The following SLC9A7 variants were observed in gnomAD, a reference collection of about 807,000 sequenced individuals.
The protein encoded by SLC9A7 is solute carrier family 9 member A7.
In SLC9A7, 19 loss-of-function variants were observed where a neutral mutation model predicts 52.6. The observed-to-expected ratio is 0.36, with a 90% CI of 0.25 to 0.53. The LOEUF (loss-of-function observed/expected upper bound fraction) is 0.53, where lower values mean the gene tolerates loss of function less well. SLC9A7 is among the 20% of genes least tolerant of loss of function. The pLI, the probability that SLC9A7 is intolerant of heterozygous loss-of-function variation, is 0.91. For synonymous variants in SLC9A7, 226 were observed against 252.1 expected (o/e 0.90, Z 0.98); for missense variants, 455 against 597.9 (o/e 0.76, Z 2.49).
At chrX:46,722,766 T>G (rs1944879656) in intron 1 of SLC9A7, among the ~76,000 whole-genome samples, 1 of 112,042 alleles carries the variant, frequency 8.9e-6, no homozygotes, top group Non-Finnish European at 1.9e-5. Flanking sequence ...ACACAAGTTC[T>G]ATTGTGGGCT....
At chrX:46,655,842 G>A (rs1157265352) in intron 7 of SLC9A7, among the ~76,000 whole-genome samples, 26 of 112,677 alleles carry the variant, frequency 2.3e-4, no homozygotes, top group African/African-American at 6.1e-4. Context: ...CAAAGCAGCC[G>A]GGAAGCTCGA....
intron 14 of SLC9A7, among the ~76,000 whole-genome samples, chrX:46,630,409 G>A (rs374721648): frequency 2.7e-5 from 3 of 112,344 alleles, no homozygotes; most frequent in Non-Finnish European, 5.6e-5. Flanking sequence ...AAAGCTGCCT[G>A]TTGCATGCTG....
Position 46,606,733 on chromosome X carries a change from A to C in SLC9A7, c.*219T>G. On this transcript the variant is annotated 3_prime_UTR_variant, in exon 17 of 17. Coordinates refer to ENST00000616978, the MANE Select transcript of SLC9A7 (RefSeq NM_001257291.2). The stretch of plus-strand genomic sequence containing the variant: ...GAAACAGCGCACTACTATGTGAAAA[A>C]AGTGGGAATAGGTCTACGTTTGTCT... 3 of 1,075,341 alleles carry C rather than the reference A, an allele frequency of 2.8e-6. No homozygotes were observed. In the South Asian group the frequency reaches 7.7e-5, roughly 28 times the overall value. The allele number at this position is 1,075,341 out of a possible 1,213,427, so 88.6% of individuals were successfully genotyped here.
chrX:46,689,104 C>T (rs1225706960), intron 1 of SLC9A7, among the ~76,000 whole-genome samples: 1 of 111,485 alleles, frequency 9.0e-6, no homozygotes, highest in Non-Finnish European at 1.9e-5. Context: ...CCAAATAGTT[C>T]TACCACTCCC....
At chrX:46,640,129 A>G (rs1943384098) in intron 12 of SLC9A7, among the ~76,000 whole-genome samples, 1 of 112,139 alleles carries the variant, frequency 8.9e-6, no homozygotes, top group African/African-American at 3.2e-5. Flanking sequence ...TAGAATAGCC[A>G]TAACAATAAA....
chrX:46,710,959 C>T (rs1326266395), intron 1 of SLC9A7, among the ~76,000 whole-genome samples: 1 of 112,811 alleles, frequency 8.9e-6, no homozygotes, highest in Non-Finnish European at 1.9e-5. Context: ...ATAAATTAAT[C>T]GATTGGCACT....
chrX:46,709,491 C>G (rs767259540), intron 1 of SLC9A7, among the ~76,000 whole-genome samples: 3 of 111,565 alleles, frequency 2.7e-5, no homozygotes, highest in Non-Finnish European at 3.8e-5. Context: ...TGCTCATCTT[C>G]TTTTCATTAC....
intron 1 of SLC9A7, chrX:46,725,038 T>A: frequency 2.3e-6 from 1 of 436,604 alleles, no homozygotes; most frequent in Non-Finnish European, 4.1e-6. Context: ...AATTAAACTT[T>A]CCTTCAAAGA....
intron 5 of SLC9A7, among the ~76,000 whole-genome samples, chrX:46,663,436 C>T (rs1225794520): frequency 9.8e-5 from 10 of 101,674 alleles, no homozygotes; most frequent in African/African-American, 3.7e-4. Context: ...GTCAGGAGTT[C>T]GACACAAGCC....
chrX:46,677,889 C>T lies in SLC9A7; in HGVS notation c.603+1789G>A, dbSNP rs1944144706. ...TAAACTCAATTTCTTTAATATAGGT[C>T]TGTTCAAGCTTTCCATCTCAGGTCA... On this transcript the variant is annotated intron_variant, in intron 3 of 16. Transcript: ENST00000616978. Among the ~76,000 whole-genome samples, 3 of 112,028 alleles carry T rather than the reference C, an allele frequency of 2.7e-5. No individual in the cohort carries two copies. The Admixed American group carries it at 2.8e-4, about 11-fold the overall frequency.
chrX:46,758,077 T>C (rs1922811885), intron 1 of SLC9A7, among the ~76,000 whole-genome samples: 1 of 111,912 alleles, frequency 8.9e-6, no homozygotes. Flanking sequence ...GCAGGAGGCG[T>C]GCCTGTCTCC....
rs1475666279 is a variant in SLC9A7 at position 46,662,567 on chromosome X, T to G, written c.870A>C (p.Leu290=). 1.2e-5 allele frequency: 14 copies of G among 1,207,447 alleles called. No individual in the cohort carries two copies. The South Asian group carries it at 2.5e-4, about 21-fold the overall frequency. ...LYALLFGESV[L]NDAVAIVLSS... is the part of the protein sequence containing the mutation. ...ACAGTACAATGGCAACAGCATCATTTAGGACGCTCTCTCCAAAAAGAAGTG... is the reference window on the plus strand; with the variant it reads ...ACAGTACAATGGCAACAGCATCATTGAGGACGCTCTCTCCAAAAAGAAGTG... The change falls in exon 6 of 17, where the codon CTA becomes CTC. Residue 290 remains leucine (L), a synonymous_variant. Coordinates refer to ENST00000616978, the MANE Select transcript of SLC9A7 (RefSeq NM_001257291.2).
At chrX:46,675,056 AGTGAATGTGTGTGTGTGTGTGTGTGTGT>A (rs1944090236) in intron 3 of SLC9A7, among the ~76,000 whole-genome samples, 1 of 90,875 alleles carries the variant, frequency 1.1e-5, no homozygotes, top group Non-Finnish European at 2.2e-5. Flanking sequence ...AGAGAGAGAG[AGTGAATGTGTGTGTGTGTGTGTGTGTGT>A]GTGTGTGTGT....
intron 1 of SLC9A7, among the ~76,000 whole-genome samples, chrX:46,698,315 A>C (rs1332190290): frequency 9.0e-6 from 1 of 111,119 alleles, no homozygotes; most frequent in Non-Finnish European, 1.9e-5. Flanking sequence ...CCGACACGTG[A>C]TGTCTCCCCC....
At chrX:46,694,564 G>C (rs1286215948) in intron 1 of SLC9A7, among the ~76,000 whole-genome samples, 2 of 111,629 alleles carry the variant, frequency 1.8e-5, no homozygotes, top group African/African-American at 6.5e-5. Context: ...CACTAGAATG[G>C]CAATTATCAG....
intron 1 of SLC9A7, among the ~76,000 whole-genome samples, chrX:46,705,378 G>A (rs1476004099): frequency 8.9e-6 from 1 of 112,382 alleles, no homozygotes; most frequent in African/African-American, 3.2e-5. Context: ...GAGGCTACAA[G>A]TACAAGAGCT....
At chrX:46,635,773 T>C in intron 12 of SLC9A7, 125 bp from the exon 13 acceptor site, 2 of 478,928 alleles carry the variant, frequency 4.2e-6, no homozygotes, top group East Asian at 7.3e-5. Flanking sequence ...ATCCATATCT[T>C]CTCTTAAACT....
At chrX:46,628,911 C>T (rs1943179392) in intron 14 of SLC9A7, among the ~76,000 whole-genome samples, 3 of 112,386 alleles carry the variant, frequency 2.7e-5, no homozygotes, top group African/African-American at 9.7e-5. Flanking sequence ...GTTAGTGGCT[C>T]ACTAGAATGA....
At chrX:46,615,647 T>C (rs1264377928) in intron 15 of SLC9A7, among the ~76,000 whole-genome samples, 1 of 108,782 alleles carries the variant, frequency 9.2e-6, no homozygotes, top group Non-Finnish European at 1.9e-5. Context: ...GAAATATGTG[T>C]ATATACATAT....
Sources: allele counts gnomAD v4.1 joint callset (sites outside exome capture counted in the v4.1 genomes callset), GRCh38; gene constraint gnomAD v4.1.1; transcripts MANE v1.5; gene names NCBI Gene and HGNC (gene_info 2026-07-23, HGNC 2026-07-21).